IPCEF1: variants seen among roughly 807,000 people sequenced by gnomAD.
IPCEF1 encodes interaction protein for cytohesin exchange factors 1.
IPCEF1 carries 31 observed loss-of-function variants against 50.9 expected under a neutral mutation model. That is an observed-to-expected ratio of 0.61 (90% CI 0.46 to 0.82). The LOEUF (loss-of-function observed/expected upper bound fraction) is 0.82. Ranked by LOEUF, IPCEF1 falls within the 40% of genes least tolerant of loss-of-function variation. The pLI, the probability that IPCEF1 is intolerant of heterozygous loss-of-function variation, is 0.00. For synonymous variants in IPCEF1, 181 were observed against 192.0 expected (o/e 0.94, Z 0.47); for missense variants, 458 against 514.0 (o/e 0.89, Z 1.05).
At chr6:154,301,111 G>T (rs1782784293) in intron 1 of IPCEF1, among the ~76,000 whole-genome samples, 1 of 152,124 alleles carries the variant, frequency 6.6e-6, no homozygotes, top group South Asian at 2.1e-4. Context: ...TTACATATAT[G>T]CTGTATTTAA....
chr6:154,242,176 G>A (rs772671410), intron 5 of IPCEF1, among the ~76,000 whole-genome samples: 5 of 152,122 alleles, frequency 3.3e-5, no homozygotes, highest in East Asian at 1.9e-4. Flanking sequence ...CCCAGAATGC[G>A]CATCTCCCAC....
intron 1 of IPCEF1, among the ~76,000 whole-genome samples, chr6:154,355,811 T>C (rs984183077): frequency 4.6e-5 from 7 of 151,552 alleles, no homozygotes; most frequent in African/African-American, 1.2e-4. Context: ...TTTTCTTTTC[T>C]TTCTTTTTTT....
intron 10 of IPCEF1, among the ~76,000 whole-genome samples, chr6:154,180,414 A>ATTTTTTTTT (rs761333730): frequency 2.0e-4 from 13 of 65,254 alleles, no homozygotes; most frequent in African/African-American, 4.3e-4. Flanking sequence ...ATATATATAT[A>ATTTTTTTTT]TTTTTTTTTT....
At chr6:154,243,616 G>A (rs1297372678) in intron 5 of IPCEF1, among the ~76,000 whole-genome samples, 1 of 152,188 alleles carries the variant, frequency 6.6e-6, no homozygotes, top group African/African-American at 2.4e-5. Flanking sequence ...TCAAAGGAGA[G>A]TTGCCCTAAA....
intron 10 of IPCEF1, among the ~76,000 whole-genome samples, chr6:154,193,091 G>T (rs569680249): frequency 6.6e-6 from 1 of 152,124 alleles, no homozygotes; most frequent in Non-Finnish European, 1.5e-5. Context: ...AGCACAATTC[G>T]CAATTGCTAA....
intron 9 of IPCEF1, among the ~76,000 whole-genome samples, chr6:154,209,579 G>A (rs1233608480): frequency 6.6e-6 from 1 of 151,096 alleles, no homozygotes; most frequent in African/African-American, 2.4e-5. Context: ...CCAAGGGTGA[G>A]GCTGCCTTAA....
intron 5 of IPCEF1, among the ~76,000 whole-genome samples, chr6:154,239,299 G>A (rs1487203810): frequency 6.6e-6 from 1 of 151,678 alleles, no homozygotes; most frequent in East Asian, 1.9e-4. Context: ...CTATGACAGG[G>A]GAACCATTAT....
intron 1 of IPCEF1, among the ~76,000 whole-genome samples, chr6:154,303,513 G>A (rs1372287519): frequency 1.3e-5 from 2 of 152,204 alleles, no homozygotes; most frequent in African/African-American, 2.4e-5. Flanking sequence ...AGGACGGGGA[G>A]AGACAAGAAT....
intron 1 of IPCEF1, among the ~76,000 whole-genome samples, chr6:154,345,183 A>C (rs1784004050): frequency 6.6e-6 from 1 of 152,180 alleles, no homozygotes; most frequent in Non-Finnish European, 1.5e-5. Flanking sequence ...TCTTTTGTTT[A>C]ATGTTTCATG....
At chr6:154,350,305 G>T (rs143198787) in intron 1 of IPCEF1, among the ~76,000 whole-genome samples, 5 of 152,216 alleles carry the variant, frequency 3.3e-5, no homozygotes, top group African/African-American at 9.6e-5. Context: ...CCAAATAGAC[G>T]CTGATGTTCC....
At chr6:154,207,119 G>T (rs1011674710) in intron 9 of IPCEF1, among the ~76,000 whole-genome samples, 1 of 152,178 alleles carries the variant, frequency 6.6e-6, no homozygotes, top group African/African-American at 2.4e-5. Context: ...AATAACTCAG[G>T]TCAGGGCTGA....
rs1456844228 is a variant in IPCEF1 at position 154,167,984 on chromosome 6, C to T, written c.1040G>A (p.Arg347Gln). Residue 347 changes from arginine to glutamine, a missense_variant, in exon 11 of 12, where the codon CGG becomes CAG. Arg to Gln is a conservative substitution (Grantham distance 43). Transcript: ENST00000367220. ...KKELRKSFVK[R>Q]CKNPSINEKL... ...CTCGTTTATAGATGGATTTTTACACCGCTTAACAAAGGATTTTCTCAACTC... is the reference window on the plus strand; with the variant it reads ...CTCGTTTATAGATGGATTTTTACACTGCTTAACAAAGGATTTTCTCAACTC... 10 of 1,610,924 alleles carry T rather than the reference C, an allele frequency of 6.2e-6. No individual in the cohort carries two copies. The highest frequency in any genetic ancestry group is 1.3e-5 in the African/African-American group (1 of 74,974).
chr6:154,210,806 G>A (rs1456349838), intron 9 of IPCEF1, among the ~76,000 whole-genome samples: 1 of 151,936 alleles, frequency 6.6e-6, no homozygotes, highest in Non-Finnish European at 1.5e-5. Context: ...GCTTAATTTT[G>A]GCTAATCATA....
chr6:154,179,422 G>A (rs545171017), intron 10 of IPCEF1, among the ~76,000 whole-genome samples: 1 of 151,498 alleles, frequency 6.6e-6, no homozygotes, highest in South Asian at 2.2e-4. Context: ...AGATCATAAA[G>A]AGCGAGGAAA....
intron 9 of IPCEF1, among the ~76,000 whole-genome samples, chr6:154,201,106 C>T (rs968407215): frequency 3.3e-5 from 5 of 152,156 alleles, no homozygotes; most frequent in East Asian, 1.9e-4. Flanking sequence ...GTTTCCCCTT[C>T]GCCTTCCTCC....
Position 154,243,576 on chromosome 6 carries a change from G to A in IPCEF1, c.246+3015C>T, listed in dbSNP as rs147725413. Reference sequence around the variant, plus strand: ...AATGACGGAGAGAGAAAAGCAAAGGGATTCAATGACAATGAGATCACATGT... The same window carrying A: ...AATGACGGAGAGAGAAAAGCAAAGGAATTCAATGACAATGAGATCACATGT... On this transcript the variant is annotated intron_variant, in intron 5 of 11. Coordinates refer to ENST00000367220, the MANE Select transcript of IPCEF1 (RefSeq NM_001130700.2). Among the ~76,000 whole-genome samples the A allele has an allele frequency of 4.4e-3, 677 of 152,308 alleles. 7 individuals carry two copies. Among genetic ancestry groups the A allele is most frequent in the African/African-American group, 0.016 (649 of 41,566 alleles).
chr6:154,181,825 GACACTT>G (rs938065704), intron 10 of IPCEF1, among the ~76,000 whole-genome samples: 1 of 152,170 alleles, frequency 6.6e-6, no homozygotes, highest in Non-Finnish European at 1.5e-5. Flanking sequence ...ACTTGAACTG[GACACTT>G]GGGGATCATG....
At chr6:154,340,024 C>T (rs942346440) in intron 1 of IPCEF1, among the ~76,000 whole-genome samples, 1 of 152,074 alleles carries the variant, frequency 6.6e-6, no homozygotes, top group South Asian at 2.1e-4. Flanking sequence ...AAGATGGGTG[C>T]TCAACATATT....
chr6:154,322,437 A>G (rs1783407844), intron 1 of IPCEF1, among the ~76,000 whole-genome samples: 1 of 152,112 alleles, frequency 6.6e-6, no homozygotes, highest in Non-Finnish European at 1.5e-5. Context: ...ATGATGTGCT[A>G]TCACATACTT....
Sources: gnomAD v4.1 joint callset for allele counts (sites outside exome capture counted in the v4.1 genomes callset) on GRCh38, gnomAD v4.1.1 for gene constraint, MANE v1.5 for transcripts, NCBI Gene and HGNC (gene_info 2026-07-23, HGNC 2026-07-21) for gene names.